Variants in ZNF454 observed in about 807,000 individuals in gnomAD.
The protein encoded by ZNF454 is zinc finger protein 454.
Under a neutral mutation model 48.2 loss-of-function variants are expected in ZNF454, and 30 were observed. The observed-to-expected ratio is 0.62, with a 90% CI of 0.47 to 0.84. The LOEUF (loss-of-function observed/expected upper bound fraction) is 0.84. ZNF454 is among the 40% of genes least tolerant of loss of function. The pLI, the probability that ZNF454 is intolerant of heterozygous loss-of-function variation, is 0.00. For missense variants in ZNF454, 510 were observed against 623.1 expected (o/e 0.82, Z 1.93); for synonymous variants, 204 against 211.4 (o/e 0.97, Z 0.30).
At chr5:178,984,708 C>T in the ZNF454 span, among the ~76,000 whole-genome samples, 1 of 152,088 alleles carries the variant, frequency 6.6e-6, no homozygotes, top group Middle Eastern at 3.2e-3. Context: ...ACACTCAGGC[C>T]CTGTTACGTG....
At chr5:178,949,703 G>A (rs1209348465) in intron 4 of ZNF454, among the ~76,000 whole-genome samples, 10 of 151,796 alleles carry the variant, frequency 6.6e-5, no homozygotes, top group African/African-American at 2.4e-4. Context: ...TGCAATCTCC[G>A]CCTCCTGGGT....
intron 2 of ZNF454, among the ~76,000 whole-genome samples, chr5:178,943,931 G>T (rs1439472367): frequency 2.0e-5 from 3 of 152,182 alleles, no homozygotes; most frequent in African/African-American, 7.2e-5. Flanking sequence ...GGAGGCTGAG[G>T]CAGGAGAATG....
the ZNF454 span, chr5:178,981,838 G>A: frequency 6.2e-7 from 1 of 1,611,404 alleles, no homozygotes; most frequent in Middle Eastern, 1.7e-4. This position sits in a 1 kb window ranked among gnomAD's most constrained non-coding sequence, Gnocchi z 5.1. Context: ...GGTTAGCGTG[G>A]TTGTCTGGAT....
At chr5:178,982,839 A>G in the ZNF454 span, 1 of 1,057,012 alleles carries the variant, frequency 9.5e-7, no homozygotes, top group Admixed American at 1.7e-5. Flanking sequence ...ACAAGCATTT[A>G]ATCTCATGAA....
chr5:178,989,966 T>C, the ZNF454 span: 1 of 203,810 alleles, frequency 4.9e-6, no homozygotes. Flanking sequence ...CTAAAACTAC[T>C]CTCAGTCCAG....
the ZNF454 span, chr5:178,985,588 A>T: frequency 5.7e-6 from 2 of 349,658 alleles, no homozygotes; most frequent in Non-Finnish European, 1.1e-5. Flanking sequence ...CTGTAGTCCC[A>T]GCTACTCGGG....
the ZNF454 span, chr5:178,985,372 C>G: frequency 1.3e-5 from 5 of 392,780 alleles, no homozygotes; most frequent in Admixed American, 1.7e-4. Context: ...GCTGCTGTCA[C>G]AGGAGGGGAG....
rs756598937 is a variant in ZNF454 at position 178,965,726 on chromosome 5, C to G, written c.1322C>G (p.Thr441Arg). The change falls in exon 5 of 5, where the codon ACA (threonine) becomes AGA (arginine). Residue 441 changes from threonine to arginine, a missense_variant. By Grantham distance (71) the Thr-to-Arg change is moderately conservative. This residue lies in a region of ZNF454 where 153 missense variants were observed against 195.8 expected (regional missense o/e 0.78). Transcript: ENST00000519564. The surrounding 1 kb of genome is among the most constrained non-coding windows in gnomAD (Gnocchi z 5.2). The part of the protein sequence containing the change: ...QRIHTGEKPY[T>R]CNICEKAFSD... ...ATTCATACTGGGGAAAAACCTTATA[C>G]ATGTAACATATGTGAAAAAGCCTTC... 6.2e-7 allele frequency: 1 copy of G among 1,614,096 alleles called. No individual in the cohort carries two copies. Among genetic ancestry groups the G allele is most frequent in the Non-Finnish European group, 8.5e-7 (1 of 1,180,024 alleles).
At chr5:178,964,222 A>G (rs1039156677) in intron 4 of ZNF454, among the ~76,000 whole-genome samples, 1 of 151,146 alleles carries the variant, frequency 6.6e-6, no homozygotes, top group South Asian at 2.1e-4. Context: ...CCGGGTTCAC[A>G]CCATTCTCCT....
chr5:178,954,477 TG>T lies in ZNF454; in HGVS notation c.250+7493del, dbSNP rs1486975966. ...CAAAATTCTCATCTTTTATGCACTT[TG>T]GTGTATGTGCTTTTTGACAGGTTTC... is the stretch of plus-strand genomic sequence containing the variant. On this transcript the variant is annotated intron_variant, in intron 4 of 4. Transcript: ENST00000519564. Among the ~76,000 whole-genome samples the T allele has an allele frequency of 1.7e-4, 26 of 152,314 alleles. No individual in the cohort carries two copies. The East Asian group carries it at 4.0e-3, about 24-fold the overall frequency.
chr5:178,949,905 A>G (rs531402362), intron 4 of ZNF454, among the ~76,000 whole-genome samples: 4 of 151,488 alleles, frequency 2.6e-5, no homozygotes, highest in African/African-American at 9.7e-5. Flanking sequence ...GTGAGCCACC[A>G]CGCCCGGCCT....
chr5:178,986,668 T>A, the ZNF454 span: 2 of 1,603,068 alleles, frequency 1.2e-6, no homozygotes, highest in African/African-American at 1.3e-5. Flanking sequence ...CTTCACCATC[T>A]TCTTCCGCTC....
intron 4 of ZNF454, among the ~76,000 whole-genome samples, chr5:178,956,730 G>A (rs1308724121): frequency 6.7e-6 from 1 of 150,106 alleles, no homozygotes; most frequent in Non-Finnish European, 1.5e-5. Context: ...TTTTGAGACG[G>A]AGTCTCTCTC....
chr5:178,952,416 C>T (rs1668252091), intron 4 of ZNF454, among the ~76,000 whole-genome samples: 1 of 152,182 alleles, frequency 6.6e-6, no homozygotes, highest in Non-Finnish European at 1.5e-5. Flanking sequence ...TTTTCTATGA[C>T]AGTTTCTTTT....
Position 178,942,750 on chromosome 5 carries a change from G to C in ZNF454, c.-42G>C. The C allele has an allele frequency of 6.2e-7, 1 of 1,613,574 alleles. No homozygotes were observed. The highest frequency in any genetic ancestry group is 8.5e-7 in the Non-Finnish European group (1 of 1,179,696). ...GTGAAGCTCCACACCTGCCTCCATA[G>C]CACTTTGCCTGTCCCTAAGAGGGCT... On this transcript the variant is annotated 5_prime_UTR_variant, in exon 2 of 5. Transcript: ENST00000519564.
chr5:178,947,019 G>A (rs1255050954), intron 4 of ZNF454, 33 bp downstream of exon 4: 4 of 1,590,594 alleles, frequency 2.5e-6, no homozygotes, highest in African/African-American at 1.3e-5. Flanking sequence ...ACACCGGGAG[G>A]AGCCCTGCTG....
At chr5:178,950,530 T>C (rs538415987) in intron 4 of ZNF454, among the ~76,000 whole-genome samples, 2 of 152,300 alleles carry the variant, frequency 1.3e-5, no homozygotes, top group African/African-American at 4.8e-5. Flanking sequence ...TCCAAAATAG[T>C]TTTAATTACA....
At chr5:178,942,430 C>G (rs943226901) in intron 1 of ZNF454, 3 of 210,570 alleles carry the variant, frequency 1.4e-5, no homozygotes, top group Non-Finnish European at 1.9e-5. Context: ...AAAAAGAATT[C>G]TCTTGAGATC....
chr5:178,982,453 C>T, the ZNF454 span, among the ~76,000 whole-genome samples: 2 of 151,846 alleles, frequency 1.3e-5, no homozygotes, highest in Non-Finnish European at 2.9e-5. Flanking sequence ...TGGCAGGCAC[C>T]TGTAGTCCCA....
Sources: gnomAD v4.1 joint callset for allele counts (sites outside exome capture counted in the v4.1 genomes callset) on GRCh38, gnomAD v4.1.1 for gene constraint, gnomAD v4.1.1 regional missense constraint, Gnocchi (gnomAD v3.1) non-coding constraint, MANE v1.5 for transcripts, NCBI Gene and HGNC (gene_info 2026-07-23, HGNC 2026-07-21) for gene names.